Variants in ERC1 observed in about 807,000 individuals in gnomAD.
The protein encoded by ERC1 is ELKS/RAB6-interacting/CAST family member 1, also known as RAB6 interacting protein 2.
In ERC1, 56 loss-of-function variants were observed where a neutral mutation model predicts 132.0. The observed-to-expected ratio is 0.42, with a 90% confidence interval of 0.34 to 0.53. ERC1 has a LOEUF of 0.53. Ranked by LOEUF, ERC1 falls within the 20% of genes least tolerant of loss-of-function variation. The pLI is 0.03. For synonymous variants in ERC1, 478 were observed against 476.1 expected (o/e 1.00, Z -0.05); for missense variants, 1,202 against 1,349.9 (o/e 0.89, Z 1.72).
intron 7 of ERC1, among the ~76,000 whole-genome samples, chr12:1,137,755 A>G (rs1949400940): frequency 6.6e-6 from 1 of 151,738 alleles, no homozygotes. Flanking sequence ...AGGGAGGCTG[A>G]GGCAGGAGAA....
intron 18 of ERC1, among the ~76,000 whole-genome samples, chr12:1,472,018 A>C (rs2093872484): frequency 6.6e-6 from 1 of 152,228 alleles, no homozygotes; most frequent in South Asian, 2.1e-4. Context: ...GAATGGGACT[A>C]GTAGTTCCTG....
intron 14 of ERC1, among the ~76,000 whole-genome samples, chr12:1,267,226 A>G (rs1276196507): frequency 6.6e-6 from 1 of 152,230 alleles, no homozygotes; most frequent in African/African-American, 2.4e-5. Context: ...GGAGAACCCA[A>G]CAGCTCCTTT....
rs761934556 is a variant in ERC1, at chr12:1,363,624, G to A, written c.2781-8209G>A. ...CTGGAATGCAATGTGGTGCCATCACGGCTCACTGCAGCCTCGACCTCCTGG... is the reference window on the plus strand; with the variant it reads ...CTGGAATGCAATGTGGTGCCATCACAGCTCACTGCAGCCTCGACCTCCTGG... On this transcript the variant is annotated intron_variant, in intron 15 of 18. Coordinates refer to ENST00000360905, the MANE Select transcript of ERC1 (RefSeq NM_178040.4). Among the ~76,000 whole-genome samples, 14 of 144,144 alleles carry A rather than the reference G, an allele frequency of 9.7e-5. No individual in the cohort carries two copies. The East Asian group carries it at 2.5e-3, about 26-fold the overall frequency. The allele number at this position is 144,144 out of a possible 152,430, so 94.6% of individuals were successfully genotyped here.
At chr12:1,264,784 A>G (rs1029228386) in intron 14 of ERC1, among the ~76,000 whole-genome samples, 9 of 152,216 alleles carry the variant, frequency 5.9e-5, no homozygotes, top group Admixed American at 3.3e-4. Flanking sequence ...CAGGAAAAAA[A>G]TACTCAATGA....
intron 18 of ERC1, among the ~76,000 whole-genome samples, chr12:1,474,672 C>T (rs2093935211): frequency 6.6e-6 from 1 of 152,180 alleles, no homozygotes; most frequent in African/African-American, 2.4e-5. Context: ...CATTCAGCCC[C>T]CTCGCATTCC....
intron 8 of ERC1, among the ~76,000 whole-genome samples, chr12:1,149,998 A>G (rs1445302749): frequency 6.6e-6 from 1 of 152,218 alleles, no homozygotes; most frequent in Non-Finnish European, 1.5e-5. Context: ...GAAGAATCGA[A>G]TCAAGATTTT....
chr12:1,028,008 C>A lies in ERC1; in HGVS notation c.105C>A (p.Thr35=). Residue 35 remains threonine, a synonymous_variant, in exon 2 of 19, where the codon ACC becomes ACA. Coordinates refer to ENST00000360905, the MANE Select transcript of ERC1 (RefSeq NM_178040.4). ...CCCCTCGCTTGGGTCACCGTCGAACCAACAGTACGGGAGGGAGTTCGGGAA... is the reference window on the plus strand; with the variant it reads ...CCCCTCGCTTGGGTCACCGTCGAACAAACAGTACGGGAGGGAGTTCGGGAA... ...PRSPRLGHRR[T]NSTGGSSGSS... 1 of 1,614,130 alleles carries A rather than the reference C, an allele frequency of 6.2e-7. No homozygotes were observed.
intron 2 of ERC1, among the ~76,000 whole-genome samples, chr12:1,039,655 G>A (rs1969839773): frequency 6.6e-6 from 1 of 152,168 alleles, no homozygotes; most frequent in Non-Finnish European, 1.5e-5. Flanking sequence ...TTAGAAAGTG[G>A]AACTAAATTT....
At chr12:1,366,958 G>GTATTTCAGTGAGGTCCA in intron 15 of ERC1, among the ~76,000 whole-genome samples, 1 of 152,276 alleles carries the variant, frequency 6.6e-6, no homozygotes, top group East Asian at 1.9e-4. Context: ...GCGAGGGCAG[G>GTATTTCAGTGAGGTCCA]TATTTCAGTG....
At chr12:1,281,190 G>A (rs767583942) in intron 14 of ERC1, among the ~76,000 whole-genome samples, 3 of 152,020 alleles carry the variant, frequency 2.0e-5, no homozygotes, top group East Asian at 3.9e-4. Flanking sequence ...GCTGTTTTCC[G>A]AATAAAATGC....
At chr12:1,467,019 G>A (rs1293984793) in intron 18 of ERC1, among the ~76,000 whole-genome samples, 2 of 152,200 alleles carry the variant, frequency 1.3e-5, no homozygotes, top group African/African-American at 2.4e-5. Flanking sequence ...AGATCTTGCT[G>A]TAAAGTGCAA....
chr12:995,581 T>C (rs1194272615), intron 1 of ERC1, among the ~76,000 whole-genome samples: 1 of 152,186 alleles, frequency 6.6e-6, no homozygotes, highest in Non-Finnish European at 1.5e-5. Context: ...GAAATGTGGC[T>C]GTTTTCAGCT....
chr12:1,066,332 T>C lies in ERC1; in HGVS notation c.670-16832T>C, dbSNP rs1254260961. ...TAAGCCTTATGTCAGCATTGCAAGATAGATTAGGAAGAACAAAGAACTATA... is the reference window on the plus strand; with the variant it reads ...TAAGCCTTATGTCAGCATTGCAAGACAGATTAGGAAGAACAAAGAACTATA... On this transcript the variant is annotated intron_variant, in intron 2 of 18. Coordinates refer to ENST00000360905, the MANE Select transcript of ERC1 (RefSeq NM_178040.4). 3.9e-5 allele frequency among the ~76,000 whole-genome samples: 6 copies of C among 152,232 alleles called. No individual in the cohort carries two copies. In the East Asian group the frequency reaches 1.2e-3, roughly 29 times the overall value.
intron 16 of ERC1, chr12:1,386,959 C>T (rs574806645): frequency 6.2e-4 from 95 of 152,138 alleles, no homozygotes; most frequent in African/African-American, 2.3e-3. Context: ...GAGGGCACAG[C>T]CTTGAGTCAG....
At chr12:1,002,587 A>G (rs1962611319) in intron 1 of ERC1, among the ~76,000 whole-genome samples, 1 of 152,126 alleles carries the variant, frequency 6.6e-6, no homozygotes, top group Non-Finnish European at 1.5e-5. Context: ...AGAATTTTAG[A>G]TAATTGCCAA....
chr12:1,461,991 C>G (rs2093654510), intron 18 of ERC1, among the ~76,000 whole-genome samples: 1 of 151,972 alleles, frequency 6.6e-6, no homozygotes, highest in Admixed American at 6.5e-5. Flanking sequence ...TTTTAAAAGT[C>G]AGTAACAAAA....
At chr12:1,394,237 A>G (rs530240244) in intron 16 of ERC1, among the ~76,000 whole-genome samples, 301 of 150,648 alleles carry the variant, frequency 2.0e-3, no homozygotes, top group Middle Eastern at 3.4e-3. Context: ...CATCTCTACT[A>G]AAAATACAAA....
chr12:1,422,429 A>G (rs933677510), intron 17 of ERC1, among the ~76,000 whole-genome samples: 3 of 152,124 alleles, frequency 2.0e-5, no homozygotes, highest in African/African-American at 4.8e-5. Flanking sequence ...GCTTCCATAC[A>G]TGAATGAGAA....
At chr12:1,441,107 G>A (rs553889102) in intron 17 of ERC1, among the ~76,000 whole-genome samples, 25 of 151,424 alleles carry the variant, frequency 1.7e-4, no homozygotes, top group African/African-American at 5.8e-4. Flanking sequence ...TGCCCAGCCT[G>A]GAGTGCAATG....
Sources: gnomAD v4.1 joint callset for allele counts (sites outside exome capture counted in the v4.1 genomes callset) on GRCh38, gnomAD v4.1.1 for gene constraint, MANE v1.5 for transcripts, NCBI Gene and HGNC (gene_info 2026-07-23, HGNC 2026-07-21) for gene names.